PHF14: variants seen among roughly 807,000 people sequenced by gnomAD.
PHF14 encodes the protein PHD finger protein 14.
In PHF14, 55 loss-of-function variants were observed where a neutral mutation model predicts 117.9. The observed-to-expected ratio is 0.47, with a 90% CI of 0.38 to 0.58. The LOEUF is 0.58. Among genes scored for constraint, PHF14 ranks in the 20% least tolerant of loss-of-function variants. PHF14 has a pLI of 0.00. For synonymous variants in PHF14, 409 were observed against 368.6 expected (o/e 1.11, Z -1.26); for missense variants, 978 against 1,122.2 (o/e 0.87, Z 1.84).
intron 17 of PHF14, among the ~76,000 whole-genome samples, chr7:11,132,263 C>T (rs1043936814): frequency 6.6e-6 from 1 of 151,342 alleles, no homozygotes. Context: ...ATTTTCTTCC[C>T]ACTGATAACC....
At chr7:11,053,682 A>G (rs1012857502) in intron 14 of PHF14, among the ~76,000 whole-genome samples, 1 of 152,068 alleles carries the variant, frequency 6.6e-6, no homozygotes, top group Non-Finnish European at 1.5e-5. Context: ...TATCATATAG[A>G]GGGAAATTAT....
intron 1 of PHF14, among the ~76,000 whole-genome samples, chr7:10,974,572 C>G (rs1212763869): frequency 6.6e-6 from 1 of 152,150 alleles, no homozygotes; most frequent in African/African-American, 2.4e-5. Context: ...AAAAGATGAG[C>G]AAGAGGGTCA....
intron 13 of PHF14, among the ~76,000 whole-genome samples, chr7:11,044,357 G>A (rs1417529408): frequency 1.3e-5 from 2 of 152,026 alleles, no homozygotes; most frequent in African/African-American, 4.8e-5. Flanking sequence ...AATGTACATA[G>A]CCTGAGGTGT....
intron 14 of PHF14, chr7:11,061,578 T>C (rs1284550434): frequency 1.4e-5 from 5 of 347,772 alleles, no homozygotes; most frequent in Non-Finnish European, 2.6e-5. Flanking sequence ...TAAAGTACTA[T>C]AAAGTATATT....
At chr7:11,133,892 A>G (rs1381633211) in intron 17 of PHF14, among the ~76,000 whole-genome samples, 1 of 152,058 alleles carries the variant, frequency 6.6e-6, no homozygotes, top group East Asian at 1.9e-4. Flanking sequence ...GTAGGAAATA[A>G]TTTTGGAGTT....
chr7:11,013,632 C>T (rs1360203564), intron 4 of PHF14, 115 bp from the exon 5 acceptor site: 1 of 549,200 alleles, frequency 1.8e-6, no homozygotes, highest in South Asian at 3.1e-5. Context: ...TTCTTATAAA[C>T]CATTGGTGTT....
intron 17 of PHF14, among the ~76,000 whole-genome samples, chr7:11,161,632 A>G (rs188228344): frequency 2.0e-3 from 303 of 149,542 alleles, no homozygotes; most frequent in African/African-American, 7.0e-3. Flanking sequence ...TTTAAATATT[A>G]TTTTTGCCTA....
At chr7:11,154,178 C>T (rs1788779775) in intron 17 of PHF14, among the ~76,000 whole-genome samples, 1 of 151,984 alleles carries the variant, frequency 6.6e-6, no homozygotes, top group African/African-American at 2.4e-5. Context: ...CTATTATTTA[C>T]TAAATAATTA....
chr7:11,061,985 A>C lies in PHF14; in HGVS notation c.2554A>C (p.Arg852=). 6.2e-7 allele frequency: 1 copy of C among 1,600,146 alleles called. No homozygotes were observed. Among genetic ancestry groups the C allele is most frequent in the Non-Finnish European group, 8.5e-7 (1 of 1,172,532 alleles). Reference sequence around the variant, plus strand: ...GCAGGAAAGAGTTCCTAGAGAGAGAAGACAAAGACAGTCTGTGTTGCAAAA... The same window carrying C: ...GCAGGAAAGAGTTCCTAGAGAGAGACGACAAAGACAGTCTGTGTTGCAAAA... ...KHEERVPRER[R]QRQSVLQKKP... Residue 852 remains arginine, a synonymous_variant, in exon 16 of 18, where the codon AGA becomes CGA. Coordinates refer to ENST00000634607, the MANE Select transcript of PHF14 (RefSeq NM_001007157.2).
chr7:11,104,231 G>A (rs190306964), intron 16 of PHF14: 7 of 984,244 alleles, frequency 7.1e-6, no homozygotes, highest in Non-Finnish European at 8.4e-6. Context: ...TGCATTTTCA[G>A]TGGTGGTGGA....
chr7:11,152,668 T>C (rs1165929407), intron 17 of PHF14, among the ~76,000 whole-genome samples: 1 of 152,010 alleles, frequency 6.6e-6, no homozygotes, highest in African/African-American at 2.4e-5. Context: ...AAACAGAAAA[T>C]CTGCTGTCGT....
chr7:11,168,019 CAAA>C (rs35327585), intron 17 of PHF14, among the ~76,000 whole-genome samples: 34 of 122,578 alleles, frequency 2.8e-4, no homozygotes, highest in African/African-American at 9.3e-4. Flanking sequence ...GAGTCCGTCT[CAAA>C]AAAAAAAAAA....
chr7:11,050,834 A>C (rs2190295), intron 13 of PHF14, among the ~76,000 whole-genome samples: 88,143 of 151,862 alleles, frequency 0.58, 27,325 homozygotes, highest in East Asian at 0.85. Flanking sequence ...GGGCCACCAA[A>C]TAATATGACC....
At chr7:11,146,989 G>C (rs1433869491) in intron 17 of PHF14, among the ~76,000 whole-genome samples, 4 of 152,100 alleles carry the variant, frequency 2.6e-5, no homozygotes, top group Admixed American at 2.0e-4. Context: ...TGGGAATACA[G>C]GTGTGTGCCA....
chr7:11,085,582 G>C (rs922539296), intron 16 of PHF14, among the ~76,000 whole-genome samples: 40 of 152,042 alleles, frequency 2.6e-4, no homozygotes, highest in African/African-American at 9.4e-4. Context: ...ATTTGGCCTC[G>C]TTTCAACATT....
chr7:11,085,501 A>G (rs1037752440), intron 16 of PHF14, among the ~76,000 whole-genome samples: 32 of 152,182 alleles, frequency 2.1e-4, no homozygotes, highest in African/African-American at 7.5e-4. Flanking sequence ...TATTGTTTCT[A>G]TTGTAGATGT....
intron 16 of PHF14, among the ~76,000 whole-genome samples, chr7:11,085,690 C>T (rs1354140103): frequency 6.6e-6 from 1 of 151,980 alleles, no homozygotes; most frequent in African/African-American, 2.4e-5. Context: ...GTTACCCAGG[C>T]TGGAGTGCGG....
At chr7:11,010,667 G>GA (rs1482932084) in intron 4 of PHF14, among the ~76,000 whole-genome samples, 2 of 151,688 alleles carry the variant, frequency 1.3e-5, no homozygotes, top group African/African-American at 2.4e-5. Flanking sequence ...TGCATAATCT[G>GA]AAAAAATATA....
intron 14 of PHF14, among the ~76,000 whole-genome samples, chr7:11,058,552 G>T (rs1379705510): frequency 6.6e-6 from 1 of 152,100 alleles, no homozygotes; most frequent in Non-Finnish European, 1.5e-5. Context: ...AATTACTTTG[G>T]TAATGAATCA....
Sources: gnomAD v4.1 joint callset for allele counts (sites outside exome capture counted in the v4.1 genomes callset) on GRCh38, gnomAD v4.1.1 for gene constraint, MANE v1.5 for transcripts, NCBI Gene and HGNC (gene_info 2026-07-23, HGNC 2026-07-21) for gene names.